RPS6KA5: variants seen among roughly 807,000 people sequenced by gnomAD.
RPS6KA5 encodes the protein ribosomal protein S6 kinase A5.
A neutral mutation model predicts 85.5 loss-of-function variants in RPS6KA5; 27 were observed. The observed-to-expected ratio is 0.32, with a 90% CI of 0.23 to 0.44. The LOEUF (loss-of-function observed/expected upper bound fraction) is 0.44. Ranked by LOEUF, RPS6KA5 falls within the 20% of genes least tolerant of loss-of-function variation. The probability of loss-of-function intolerance (pLI) is 1.00; values close to 1 mark genes in which losing one functional copy is unlikely to be tolerated. For missense variants in RPS6KA5, 811 were observed against 980.9 expected, an observed-to-expected ratio of 0.83 and a Z score of 2.31; for synonymous variants, 334 against 348.2, an observed-to-expected ratio of 0.96 and a Z score of 0.46.
intron 2 of RPS6KA5, 87 bp from the exon 3 acceptor site, chr14:90,978,611 A>G: frequency 1.0e-6 from 1 of 971,060 alleles, no homozygotes; most frequent in Non-Finnish European, 1.5e-6. Context: ...TTTAATGCAC[A>G]AAAAATACAC....
Position 90,875,364 on chromosome 14 carries a change from T to C in RPS6KA5, c.1837-4A>G, listed in dbSNP as rs749587224. On this transcript the variant is annotated splice_region_variant and splice_polypyrimidine_tract_variant and intron_variant, in intron 14 of 16. Coordinates refer to ENST00000614987, the MANE Select transcript of RPS6KA5 (RefSeq NM_004755.4). ...CCTGTCCTGACAACATTGTGTACTA[T>C]CAGGGAAAAAGTAACAAAACAGAAT... 1.2e-5 allele frequency: 19 copies of C among 1,608,990 alleles called. No individual in the cohort carries two copies. The highest frequency in any genetic ancestry group is 1.7e-5 in the Admixed American group (1 of 59,114).
Position 90,890,802 on chromosome 14 carries a change from C to T in RPS6KA5, c.1645-124G>A, listed in dbSNP as rs538957663. 225 of 771,390 alleles carry T rather than the reference C, an allele frequency of 2.9e-4. 1 individual carries two copies. Among genetic ancestry groups the T allele is most frequent in the South Asian group, 2.9e-3 (163 of 56,748 alleles). The allele number at this position is 771,390 out of a possible 1,614,324, so 47.8% of individuals were successfully genotyped here. A position where few individuals can be genotyped will look rare whatever the true frequency, so the allele number is the denominator to read the frequency against. On this transcript the variant is annotated intron_variant, in intron 13 of 16. Coordinates refer to ENST00000614987, the MANE Select transcript of RPS6KA5 (RefSeq NM_004755.4). The stretch of plus-strand genomic sequence containing the variant: ...TGTGCAGAGAGGTCTCATGGGGAGG[C>T]GCGAGGGCAGGACATCAATACACTG...
chr14:91,008,555 G>A (rs147196897), intron 1 of RPS6KA5, among the ~76,000 whole-genome samples: 575 of 152,270 alleles, frequency 3.8e-3, no homozygotes, highest in African/African-American at 0.013. Context: ...AAGAAGTACA[G>A]GATTTGTACT....
At chr14:90,944,848 T>TG (rs2037784391) in intron 4 of RPS6KA5, among the ~76,000 whole-genome samples, 1 of 150,408 alleles carries the variant, frequency 6.6e-6, no homozygotes, top group South Asian at 2.1e-4. Context: ...GAGCTCAGGG[T>TG]GTTTGGGGCC....
intron 1 of RPS6KA5, among the ~76,000 whole-genome samples, chr14:91,024,892 T>G (rs1219451123): frequency 2.0e-5 from 3 of 152,046 alleles, no homozygotes; most frequent in Non-Finnish European, 4.4e-5. Flanking sequence ...TTTTTTTAAA[T>G]TTTTTTTGAG....
rs61230626 is a variant in RPS6KA5 at position 90,863,302 on chromosome 14, CAAAAAAAAAAAAA to C, written c.*8759_*8771del. ...TGGGTGGCAGAGCGAGACTCCGTCT[CAAAAAAAAAAAAA>C]AAAAAAAAAAAAAAAGAAAAGAAAA... On this transcript the variant is annotated 3_prime_UTR_variant, in exon 17 of 17. Coordinates refer to ENST00000614987, the MANE Select transcript of RPS6KA5 (RefSeq NM_004755.4). 1.2e-3 allele frequency: 29 copies of C among 24,794 alleles called. 1 individual carries two copies. The East Asian group carries it at 0.022, about 19-fold the overall frequency. 1.5% of individuals were successfully genotyped at this position (24,794 alleles called of 1,614,324 possible).
chr14:90,947,667 CAATTTAGCATACAG>C, intron 3 of RPS6KA5, 117 bp from the exon 4 acceptor site: 1 of 625,836 alleles, frequency 1.6e-6, no homozygotes, highest in South Asian at 2.0e-5. Context: ...TTGCTATATA[CAATTTAGCATACAG>C]TATCATGTAG....
intron 4 of RPS6KA5, among the ~76,000 whole-genome samples, chr14:90,946,249 C>A (rs1481848665): frequency 6.6e-6 from 1 of 152,092 alleles, no homozygotes; most frequent in Non-Finnish European, 1.5e-5. Context: ...TGAGTGCCTA[C>A]TTGACTGCAC....
At chr14:90,972,405 G>A (rs1456671382) in intron 3 of RPS6KA5, among the ~76,000 whole-genome samples, 1 of 152,104 alleles carries the variant, frequency 6.6e-6, no homozygotes, top group Non-Finnish European at 1.5e-5. Context: ...AAACAGTATA[G>A]TACTGGTACA....
At position 90,865,440 on chromosome 14, in the gene RPS6KA5, T is replaced by G. The variant is rs750154646; in HGVS notation, c.*6634A>C. 5 of 152,216 alleles carry G rather than the reference T, an allele frequency of 3.3e-5. No homozygotes were observed. Among genetic ancestry groups the G allele is most frequent in the Non-Finnish European group, 5.9e-5 (4 of 68,040 alleles). 9.4% of individuals were successfully genotyped at this position (152,216 alleles called of 1,614,324 possible). A position where few individuals can be genotyped will look rare whatever the true frequency, so the allele number is the denominator to read the frequency against. On this transcript the variant is annotated 3_prime_UTR_variant, in exon 17 of 17. Transcript: ENST00000614987. ...CCTATAGACTGGATAATTCCATGTA[T>G]AGGAATGTCAACAACAGTGACAGAG... is the stretch of plus-strand genomic sequence containing the variant.
intron 1 of RPS6KA5, among the ~76,000 whole-genome samples, chr14:91,049,690 T>C (rs1032956233): frequency 3.3e-5 from 5 of 152,198 alleles, no homozygotes; most frequent in African/African-American, 9.6e-5. Flanking sequence ...ATATTCAGTA[T>C]GCGTTGCTTA....
At chr14:91,055,710 T>C (rs1400754649) in intron 1 of RPS6KA5, among the ~76,000 whole-genome samples, 1 of 151,990 alleles carries the variant, frequency 6.6e-6, no homozygotes, top group Non-Finnish European at 1.5e-5. Flanking sequence ...GCCTAGGAGT[T>C]TGAAATTATA....
chr14:91,012,545 CA>C, intron 1 of RPS6KA5, among the ~76,000 whole-genome samples: 1 of 152,284 alleles, frequency 6.6e-6, no homozygotes, highest in South Asian at 2.1e-4. Context: ...ACTCAATACT[CA>C]AATCTGCAGT....
chr14:91,025,022 A>G (rs2041934009), intron 1 of RPS6KA5, among the ~76,000 whole-genome samples: 1 of 151,254 alleles, frequency 6.6e-6, no homozygotes, highest in African/African-American at 2.4e-5. Context: ...CTGGGACTAC[A>G]GATGTGCATC....
At chr14:90,948,902 T>C (rs1471739116) in intron 3 of RPS6KA5, among the ~76,000 whole-genome samples, 1 of 152,200 alleles carries the variant, frequency 6.6e-6, no homozygotes, top group Non-Finnish European at 1.5e-5. Flanking sequence ...AATGAAATTG[T>C]TCATGAACTC....
At chr14:90,894,047 A>C in intron 13 of RPS6KA5, 16 of 937,530 alleles carry the variant, frequency 1.7e-5, no homozygotes, top group Non-Finnish European at 1.9e-5. Context: ...ATAAGTTTTC[A>C]AAATACATCA....
At chr14:90,920,173 A>C (rs1019142206) in intron 7 of RPS6KA5, 33 bp downstream of exon 7, 4 of 1,297,012 alleles carry the variant, frequency 3.1e-6, no homozygotes, top group Admixed American at 3.4e-5. Context: ...CTTTGAGAAA[A>C]CAATGCATTT....
chr14:91,036,480 G>A (rs986388299), intron 1 of RPS6KA5, among the ~76,000 whole-genome samples: 3 of 152,168 alleles, frequency 2.0e-5, no homozygotes, highest in African/African-American at 7.2e-5. Flanking sequence ...TAGGAAGGCA[G>A]GTAGACAAAC....
At position 90,920,239 on chromosome 14, in the gene RPS6KA5, T is replaced by C. The variant is rs2140290060; in HGVS notation, c.773A>G (p.Asp258Gly). Residue 258 changes from aspartate to glycine, a missense_variant, in exon 7 of 17, where the codon GAT becomes GGT. Physicochemically the swap from Asp to Gly is moderately conservative, Grantham distance 94. Coordinates refer to ENST00000614987, the MANE Select transcript of RPS6KA5 (RefSeq NM_004755.4). ...LLTGASPFTV[D>G]GEKNSQAEIS... ...CTCAGCTTGGGAATTTTTTTCTCCA[T>C]CAACAGTGAAAGGAGATGCTCCAGT... 1 of 1,612,268 alleles carries C rather than the reference T, an allele frequency of 6.2e-7. No homozygotes were observed. The highest frequency in any genetic ancestry group is 8.5e-7 in the Non-Finnish European group (1 of 1,178,766).
Sources: gnomAD v4.1 joint callset for allele counts (sites outside exome capture counted in the v4.1 genomes callset) on GRCh38, gnomAD v4.1.1 for gene constraint, MANE v1.5 for transcripts, NCBI Gene and HGNC (gene_info 2026-07-23, HGNC 2026-07-21) for gene names.